DNAJC5B: variants seen among roughly 807,000 people sequenced by gnomAD.
DNAJC5B encodes DnaJ heat shock protein family (Hsp40) member C5 beta, also known as dnaJ homolog subfamily C member 5B.
A neutral mutation model predicts 24.7 loss-of-function variants in DNAJC5B; 23 were observed. That is an observed-to-expected ratio of 0.93 (90% CI 0.67 to 1.32). The LOEUF is 1.32. Ranked by LOEUF, DNAJC5B falls within the 40% of genes most tolerant of loss-of-function variation. DNAJC5B has a pLI of 0.00. For synonymous variants in DNAJC5B, 101 were observed against 90.1 expected (o/e 1.12, Z -0.68); for missense variants, 238 against 240.8 (o/e 0.99, Z 0.08).
chr8:66,021,943 G>A (rs573049797), intron 1 of DNAJC5B, among the ~76,000 whole-genome samples: 42 of 152,218 alleles, frequency 2.8e-4, no homozygotes, highest in African/African-American at 8.7e-4. Flanking sequence ...GCTCCTCCCC[G>A]GATGACAGGG....
chr8:66,035,273 C>A (rs1806456268), intron 1 of DNAJC5B, among the ~76,000 whole-genome samples: 1 of 152,248 alleles, frequency 6.6e-6, no homozygotes, highest in African/African-American at 2.4e-5. Context: ...ATCTGCCCAA[C>A]TTTACAATCC....
chr8:66,074,933 G>A (rs1267712857), intron 3 of DNAJC5B, among the ~76,000 whole-genome samples: 1 of 152,200 alleles, frequency 6.6e-6, no homozygotes, highest in Non-Finnish European at 1.5e-5. Context: ...TCCATTGTTA[G>A]GAGTGTGATA....
intron 5 of DNAJC5B, among the ~76,000 whole-genome samples, chr8:66,090,634 A>G (rs557025190): frequency 6.6e-6 from 1 of 152,280 alleles, no homozygotes; most frequent in East Asian, 1.9e-4. Context: ...TAAAACCCAA[A>G]TACATTCACA....
At chr8:66,051,120 G>T (rs1303541470) in intron 2 of DNAJC5B, among the ~76,000 whole-genome samples, 3 of 152,178 alleles carry the variant, frequency 2.0e-5, no homozygotes, top group African/African-American at 7.2e-5. Flanking sequence ...CCCAGCCACT[G>T]CTTGTCCCAT....
intron 3 of DNAJC5B, 49 bp downstream of exon 3, chr8:66,051,715 G>A: frequency 2.2e-6 from 3 of 1,385,782 alleles, no homozygotes; most frequent in Non-Finnish European, 1.0e-6. Context: ...GAGTTATTTT[G>A]TGACTGGCAG....
chr8:66,093,080 T>C (rs549130575), intron 5 of DNAJC5B, among the ~76,000 whole-genome samples: 1 of 152,318 alleles, frequency 6.6e-6, no homozygotes, highest in East Asian at 1.9e-4. Context: ...CTGTCATTCA[T>C]GTATTTTCAC....
upstream of DNAJC5B, among the ~76,000 whole-genome samples, chr8:66,020,536 T>A (rs1171208603): frequency 6.6e-6 from 1 of 151,198 alleles, no homozygotes; most frequent in Non-Finnish European, 1.5e-5. Flanking sequence ...CTTTACAGAT[T>A]GCTCCTCCCT....
intron 5 of DNAJC5B, among the ~76,000 whole-genome samples, chr8:66,091,135 T>G (rs551784148): frequency 6.6e-6 from 1 of 152,314 alleles, no homozygotes; most frequent in Admixed American, 6.5e-5. Context: ...GCACTTAGTA[T>G]TTGCCTGATG....
rs1243204343 is a variant in DNAJC5B, at chr8:66,076,747, A to C, written c.207A>C (p.Ala69=). Residue 69 remains alanine (A), a synonymous_variant, in exon 4 of 6, where the codon GCA becomes GCC. Transcript: ENST00000276570. ...TTAAAGAAATCAACAACGCCCACGC[A>C]ATACTTACCGACATTTCAAAGAGAA... The part of the protein sequence containing the change: ...EKFKEINNAH[A]ILTDISKRSI... 6.2e-7 allele frequency: 1 copy of C among 1,614,224 alleles called. No homozygotes were observed. The highest frequency in any genetic ancestry group is 1.1e-5 in the South Asian group (1 of 91,080).
At chr8:66,082,936 C>G (rs1360470246) in intron 5 of DNAJC5B, among the ~76,000 whole-genome samples, 1 of 151,416 alleles carries the variant, frequency 6.6e-6, no homozygotes, top group Non-Finnish European at 1.5e-5. Context: ...GGCTTTGTGG[C>G]TGCACATCCA....
intron 4 of DNAJC5B, among the ~76,000 whole-genome samples, 176 bp from the exon 5 acceptor site, chr8:66,080,201 T>C (rs980894819): frequency 3.3e-5 from 5 of 152,196 alleles, no homozygotes; most frequent in African/African-American, 1.2e-4. Flanking sequence ...AATTGGTTTC[T>C]AAGGAAGTGA....
Position 66,100,089 on chromosome 8 carries a change from G to A in DNAJC5B, c.*58G>A, listed in dbSNP as rs2128967825. On this transcript the variant is annotated 3_prime_UTR_variant, in exon 6 of 6. Transcript: ENST00000276570. ...TCTCAGTTCAGTCTTGTCTCCAGAT[G>A]GTCGTAGGGGAGCGTGTGGGGCATA... 6.8e-7 allele frequency: 1 copy of A among 1,471,482 alleles called. No homozygotes were observed. Among genetic ancestry groups the A allele is most frequent in the East Asian group, 2.3e-5 (1 of 43,360 alleles). The allele number at this position is 1,471,482 out of a possible 1,614,324, so 91.2% of individuals were successfully genotyped here.
intron 5 of DNAJC5B, among the ~76,000 whole-genome samples, chr8:66,095,384 C>T: frequency 6.6e-6 from 1 of 151,424 alleles, no homozygotes; most frequent in Non-Finnish European, 1.5e-5. Flanking sequence ...TTATTCTTTA[C>T]ATTGGTCATT....
Position 66,088,368 on chromosome 8 carries a change from G to A in DNAJC5B, c.505+7820G>A, listed in dbSNP as rs1309748170. 2.6e-5 allele frequency among the ~76,000 whole-genome samples: 4 copies of A among 152,194 alleles called. No individual in the cohort carries two copies. In the South Asian group the frequency reaches 6.2e-4, roughly 24 times the overall value. Reference sequence around the variant, plus strand: ...TCCTAGGCCTCCAGGCTTGTGATGGGAGGTCCTTCTGTGAAGGTCTGTACA... The same window carrying A: ...TCCTAGGCCTCCAGGCTTGTGATGGAAGGTCCTTCTGTGAAGGTCTGTACA... On this transcript the variant is annotated intron_variant, in intron 5 of 5. Transcript: ENST00000276570.
At chr8:66,099,479 C>T (rs1808026565) in intron 5 of DNAJC5B, among the ~76,000 whole-genome samples, 2 of 152,124 alleles carry the variant, frequency 1.3e-5, no homozygotes, top group Non-Finnish European at 1.5e-5. Flanking sequence ...GACTCCTGTC[C>T]CAACAAGGGC....
chr8:66,032,052 A>T (rs1002232055), intron 1 of DNAJC5B, among the ~76,000 whole-genome samples: 1 of 152,272 alleles, frequency 6.6e-6, no homozygotes, highest in African/African-American at 2.4e-5. Context: ...TATTTAATAA[A>T]TGTTTGCACA....
At chr8:66,061,610 A>AGAGAGT (rs1239405686) in intron 3 of DNAJC5B, among the ~76,000 whole-genome samples, 61 of 144,960 alleles carry the variant, frequency 4.2e-4, no homozygotes, top group Non-Finnish European at 7.0e-4. Context: ...AGAGAGAGAG[A>AGAGAGT]GTGTGTGTGT....
At chr8:66,046,071 T>G (rs1806716878) in intron 2 of DNAJC5B, among the ~76,000 whole-genome samples, 1 of 152,144 alleles carries the variant, frequency 6.6e-6, no homozygotes, top group Non-Finnish European at 1.5e-5. Flanking sequence ...CTATGGCTCA[T>G]GTGGTTCCTG....
intron 1 of DNAJC5B, among the ~76,000 whole-genome samples, chr8:66,036,492 G>T (rs1806487525): frequency 6.6e-6 from 1 of 152,200 alleles, no homozygotes; most frequent in Admixed American, 6.5e-5. Flanking sequence ...CACCAAGAGG[G>T]CGGCGTCCTC....
Sources: gnomAD v4.1 joint callset for allele counts (sites outside exome capture counted in the v4.1 genomes callset) on GRCh38, gnomAD v4.1.1 for gene constraint, MANE v1.5 for transcripts, NCBI Gene and HGNC (gene_info 2026-07-23, HGNC 2026-07-21) for gene names.